Variants in MMUT observed in about 807,000 individuals in gnomAD.
MMUT encodes the protein methylmalonyl-CoA mutase.
Under a neutral mutation model 79.9 loss-of-function variants are expected in MMUT, and 79 were observed. The observed-to-expected ratio is 0.99, with a 90% CI of 0.82 to 1.19. The LOEUF is 1.19. MMUT is among the 50% of genes most tolerant of loss of function. MMUT has a pLI of 0.00. For missense variants in MMUT, 860 were observed against 917.2 expected, an observed-to-expected ratio of 0.94 and a Z score of 0.81; for synonymous variants, 273 against 295.7, an observed-to-expected ratio of 0.92 and a Z score of 0.79.
At chr6:49,437,333 A>C (rs1001367890) in intron 11 of MMUT, among the ~76,000 whole-genome samples, 1 of 152,108 alleles carries the variant, frequency 6.6e-6, no homozygotes, top group Admixed American at 6.6e-5. Context: ...CCCTATTAAC[A>C]TGACATTACT....
In MMUT at chr6:49,430,692, TTATG is replaced by T. The variant is rs1407314945; in HGVS notation, c.*1032_*1035del. Reference sequence around the variant, plus strand: ...GAAATTTATTAAAAAAGATAATTATTTATGTTATATTCATGTAATGGATCATGTT... The same window carrying T: ...GAAATTTATTAAAAAAGATAATTATTTTATATTCATGTAATGGATCATGTT... On this transcript the variant is annotated 3_prime_UTR_variant, in exon 13 of 13. Coordinates refer to ENST00000274813, the MANE Select transcript of MMUT (RefSeq NM_000255.4). The T allele has an allele frequency of 4.6e-5, 7 of 152,210 alleles. No individual in the cohort carries two copies. Among genetic ancestry groups the T allele is most frequent in the African/African-American group, 1.7e-4 (7 of 41,458 alleles). The allele number at this position is 152,210 out of a possible 1,614,324, so 9.4% of individuals were successfully genotyped here. A position where few individuals can be genotyped will look rare whatever the true frequency, so the allele number is the denominator to read the frequency against.
Position 49,440,284 on chromosome 6 carries a change from G to A in MMUT, c.1878C>T (p.Gly626=). ...CAATAACTTTTGCTCCTCTGTCATG[G>A]CCATCTTGTCCCATTTTTGCTACAA... ...RLLVAKMGQD[G]HDRGAKVIAT... Residue 626 remains glycine, a synonymous_variant, in exon 11 of 13, where the codon GGC becomes GGT. Transcript: ENST00000274813. 1 of 1,614,038 alleles carries A rather than the reference G, an allele frequency of 6.2e-7. No homozygotes were observed. Among genetic ancestry groups the A allele is most frequent in the Non-Finnish European group, 8.5e-7 (1 of 1,179,962 alleles).
At chr6:49,462,601 C>G (rs1444627837) in intron 1 of MMUT, among the ~76,000 whole-genome samples, 1 of 152,148 alleles carries the variant, frequency 6.6e-6, no homozygotes, top group Admixed American at 6.5e-5. Flanking sequence ...TCAATTTAGA[C>G]CTGTCTTTTC....
At chr6:49,456,259 A>T (rs1323534156) in intron 3 of MMUT, 22 bp from the exon 4 acceptor site, 1 of 1,504,762 alleles carries the variant, frequency 6.6e-7, no homozygotes. Context: ...AAAAAATTGT[A>T]ACAGTGAATA....
In MMUT at chr6:49,459,148, T is replaced by A; in HGVS notation, c.319A>T (p.Ile107Phe). The change falls in exon 2 of 13, where the codon ATC becomes TTC. Residue 107 changes from isoleucine (I) to phenylalanine (F), a missense_variant. Coordinates refer to ENST00000274813, the MANE Select transcript of MMUT (RefSeq NM_000255.4). The stretch of plus-strand genomic sequence containing the variant: ...GTACTAAAACCAGCATACTGGCGGA[T>A]GGTCCAGGGCCTAAAGGTATACATG... Reference protein sequence around the residue: ...PTMYTFRPWTIRQYAGFSTVE... With the variant: ...PTMYTFRPWTFRQYAGFSTVE... The A allele has an allele frequency of 6.2e-7, 1 of 1,614,176 alleles. No homozygotes were observed. The highest frequency in any genetic ancestry group is 1.3e-5 in the African/African-American group (1 of 75,046).
chr6:49,441,212 CATT>C (rs1380779296), intron 10 of MMUT, among the ~76,000 whole-genome samples: 2 of 152,040 alleles, frequency 1.3e-5, no homozygotes, highest in Non-Finnish European at 2.9e-5. Context: ...AATATGATCA[CATT>C]AATATATATT....
chr6:49,444,103 C>T (rs1487917822), intron 9 of MMUT, among the ~76,000 whole-genome samples: 1 of 151,932 alleles, frequency 6.6e-6, no homozygotes, highest in African/African-American at 2.4e-5. Context: ...AGATAAAAGA[C>T]TAGTAACAAT....
At chr6:49,455,838 T>G (rs779088911) in intron 4 of MMUT, among the ~76,000 whole-genome samples, 1 of 152,196 alleles carries the variant, frequency 6.6e-6, no homozygotes, top group Non-Finnish European at 1.5e-5. Context: ...AATGTGGAAC[T>G]TAATTGTGTT....
chr6:49,435,785 A>G (rs1170146901), intron 11 of MMUT, among the ~76,000 whole-genome samples, 162 bp from the exon 12 acceptor site: 1 of 152,258 alleles, frequency 6.6e-6, no homozygotes, highest in Non-Finnish European at 1.5e-5. Context: ...AAAATTGACA[A>G]ATGAGATATA....
At chr6:49,461,216 TG>T (rs1405752710) in intron 1 of MMUT, among the ~76,000 whole-genome samples, 1 of 152,160 alleles carries the variant, frequency 6.6e-6, no homozygotes, top group Non-Finnish European at 1.5e-5. Context: ...GAGGGGCTTT[TG>T]GGGGTAATGG....
rs1767611762 is a variant in MMUT at position 49,453,586 on chromosome 6, T to C, written c.1082A>G (p.Gln361Arg). Reference protein sequence around the residue: ...CQTSGWSLTEQDPYNNIVRTA... With the variant: ...CQTSGWSLTERDPYNNIVRTA... ...CTACATTTTAAATTATATACATACCTGCTCAGTAAGTGACCATCCAGATGT... is the reference window on the plus strand; with the variant it reads ...CTACATTTTAAATTATATACATACCCGCTCAGTAAGTGACCATCCAGATGT... Residue 361 changes from glutamine to arginine, a missense_variant and splice_region_variant, in exon 5 of 13, where the codon CAG becomes CGG. Transcript: ENST00000274813. 3 of 1,596,850 alleles carry C rather than the reference T, an allele frequency of 1.9e-6. No homozygotes were observed. The highest frequency in any genetic ancestry group is 1.7e-5 in the Admixed American group (1 of 59,856).
intron 8 of MMUT, among the ~76,000 whole-genome samples, chr6:49,446,872 TA>T (rs1050958955): frequency 1.3e-5 from 2 of 149,250 alleles, no homozygotes; most frequent in Admixed American, 6.7e-5. Flanking sequence ...TAGATTGAAC[TA>T]AAAAAAAAGC....
chr6:49,447,233 C>T (rs1364906159), intron 8 of MMUT, among the ~76,000 whole-genome samples: 1 of 151,852 alleles, frequency 6.6e-6, no homozygotes. Context: ...AAAGTAGTAT[C>T]AGATGCCATC....
intron 2 of MMUT, among the ~76,000 whole-genome samples, chr6:49,458,861 A>T (rs924280495): frequency 1.1e-4 from 16 of 152,174 alleles, no homozygotes; most frequent in Admixed American, 9.8e-4. Context: ...CCTTTTAAAC[A>T]ACGTGCATGT....
chr6:49,437,470 A>C (rs1340338741), intron 11 of MMUT, among the ~76,000 whole-genome samples: 1 of 152,182 alleles, frequency 6.6e-6, no homozygotes, highest in Non-Finnish European at 1.5e-5. Flanking sequence ...GGGAGTGATA[A>C]GTTTTTAGTA....
At chr6:49,458,954 CA>C (rs1189381112) in intron 2 of MMUT, 127 bp downstream of exon 2, 3 of 936,716 alleles carry the variant, frequency 3.2e-6, no homozygotes, top group Non-Finnish European at 4.6e-6. Flanking sequence ...CCACTTTTTT[CA>C]GAGTATAGTC....
At position 49,431,501 on chromosome 6, in the gene MMUT, TAG is replaced by T. The variant is rs1287567424; in HGVS notation, c.*225_*226del. 1 of 392,100 alleles carries T rather than the reference TAG, an allele frequency of 2.6e-6. No individual in the cohort carries two copies. Among genetic ancestry groups the T allele is most frequent in the Non-Finnish European group, 4.7e-6 (1 of 212,016 alleles). 24.3% of individuals were successfully genotyped at this position (392,100 alleles called of 1,614,324 possible). Reference sequence around the variant, plus strand: ...CAGAGTTCTTGATAAAGTATTGTTATAGAGAGTATAGAGAGTTTTTAGGGATT... The same window carrying T: ...CAGAGTTCTTGATAAAGTATTGTTATAGAGTATAGAGAGTTTTTAGGGATT... On this transcript the variant is annotated 3_prime_UTR_variant, in exon 13 of 13. Coordinates refer to ENST00000274813, the MANE Select transcript of MMUT (RefSeq NM_000255.4).
At chr6:49,442,222 A>G (rs1767295075) in intron 9 of MMUT, among the ~76,000 whole-genome samples, 1 of 152,086 alleles carries the variant, frequency 6.6e-6, no homozygotes, top group African/African-American at 2.4e-5. Flanking sequence ...GAATGACCTA[A>G]TAATTATATA....
chr6:49,444,825 C>T (rs1767372439), intron 8 of MMUT, 71 bp from the exon 9 acceptor site: 1 of 1,197,894 alleles, frequency 8.3e-7, no homozygotes, highest in Non-Finnish European at 1.2e-6. Context: ...GAGATTAGAC[C>T]CTGATGCATA....
Sources: gnomAD v4.1 joint callset for allele counts (sites outside exome capture counted in the v4.1 genomes callset) on GRCh38, gnomAD v4.1.1 for gene constraint, MANE v1.5 for transcripts, NCBI Gene and HGNC (gene_info 2026-07-23, HGNC 2026-07-21) for gene names.